Variants in NBAS observed in about 807,000 individuals in gnomAD.
NBAS encodes the protein NBAS subunit of NRZ tethering complex, also known as NAG/BC035112 fusion.
NBAS carries 219 observed loss-of-function variants against 302.5 expected under a neutral mutation model. The observed-to-expected ratio is 0.72, with a 90% CI of 0.65 to 0.81. The LOEUF (loss-of-function observed/expected upper bound fraction) is 0.81, where lower values mean the gene tolerates loss of function less well. Ranked by LOEUF, NBAS falls within the 30% of genes least tolerant of loss-of-function variation. The pLI is 0.00. For synonymous variants in NBAS, 1,118 were observed against 1,021.6 expected, an observed-to-expected ratio of 1.09 and a Z score of -1.80; for missense variants, 2,932 against 2,841.6, an observed-to-expected ratio of 1.03 and a Z score of -0.72.
the NBAS span, among the ~76,000 whole-genome samples, chr2:14,787,534 C>T: frequency 6.6e-6 from 1 of 152,166 alleles, no homozygotes; most frequent in Admixed American, 6.5e-5. Context: ...CATAATCTCT[C>T]AGCATTTGCT....
intron 25 of NBAS, among the ~76,000 whole-genome samples, chr2:15,414,720 G>A (rs769735233): frequency 2.6e-5 from 4 of 152,138 alleles, no homozygotes; most frequent in South Asian, 4.1e-4. Flanking sequence ...CGAGGCAGGC[G>A]GATCACCTGA....
the NBAS span, among the ~76,000 whole-genome samples, chr2:14,895,961 T>C: frequency 6.6e-6 from 1 of 151,442 alleles, no homozygotes; most frequent in Non-Finnish European, 1.5e-5. Flanking sequence ...ACAATATATC[T>C]ATGAAACAAA....
chr2:15,202,338 G>A (rs995153816), intron 48 of NBAS, among the ~76,000 whole-genome samples: 8 of 152,044 alleles, frequency 5.3e-5, no homozygotes, highest in Non-Finnish European at 1.0e-4. Context: ...CTGTCACTTC[G>A]ATATGTAATA....
rs987338399 is a variant in NBAS, at chr2:15,402,246, C to T, written c.2993G>A (p.Cys998Tyr). The change falls in exon 26 of 52, where the codon TGC (cysteine) becomes TAC (tyrosine). Residue 998 changes from cysteine to tyrosine, a missense_variant. Transcript: ENST00000281513. ...QDQLMAIALE[C>Y]IYTCERNDQL... ...ATCATTTCGTTCACAGGTATAGATGCACTCTAGTGCTATTGCCATCAGTTG... is the reference window on the plus strand; with the variant it reads ...ATCATTTCGTTCACAGGTATAGATGTACTCTAGTGCTATTGCCATCAGTTG... 6.2e-7 allele frequency: 1 copy of T among 1,613,406 alleles called. No homozygotes were observed. The highest frequency in any genetic ancestry group is 1.3e-5 in the African/African-American group (1 of 74,880).
the NBAS span, among the ~76,000 whole-genome samples, chr2:15,085,573 G>A: frequency 6.6e-6 from 1 of 152,164 alleles, no homozygotes; most frequent in Non-Finnish European, 1.5e-5. Flanking sequence ...GGCCATGGCT[G>A]CATGCTCCAC....
chr2:14,887,139 C>T, the NBAS span, among the ~76,000 whole-genome samples: 2 of 152,162 alleles, frequency 1.3e-5, no homozygotes, highest in South Asian at 2.1e-4. Context: ...CATGCTGGCT[C>T]ACGCCTGTAA....
intron 45 of NBAS, 29 bp downstream of exon 45, chr2:15,238,439 T>C (rs982972548): frequency 1.3e-6 from 2 of 1,591,588 alleles, no homozygotes; most frequent in African/African-American, 1.3e-5. Context: ...TGATACAGAG[T>C]GAGCATATAG....
At chr2:15,125,660 A>G in the NBAS span, among the ~76,000 whole-genome samples, 2 of 152,194 alleles carry the variant, frequency 1.3e-5, no homozygotes, top group African/African-American at 2.4e-5. Context: ...AGATTTAATG[A>G]CTACCCTGTT....
intron 23 of NBAS, among the ~76,000 whole-genome samples, chr2:15,420,088 C>G (rs1677139907): frequency 6.6e-6 from 1 of 152,154 alleles, no homozygotes; most frequent in African/African-American, 2.4e-5. Context: ...TGGGTCACAA[C>G]TGCAGACTCT....
At chr2:15,200,206 G>A (rs1405329423) in intron 48 of NBAS, among the ~76,000 whole-genome samples, 4 of 152,026 alleles carry the variant, frequency 2.6e-5, no homozygotes, top group Non-Finnish European at 5.9e-5. Flanking sequence ...CTGGATATTT[G>A]TTATGATTAC....
At chr2:14,997,506 T>C in the NBAS span, among the ~76,000 whole-genome samples, 7 of 151,430 alleles carry the variant, frequency 4.6e-5, no homozygotes, top group South Asian at 1.5e-3. Flanking sequence ...AACTGACAAA[T>C]AAAACTATAA....
At chr2:14,810,473 T>C in the NBAS span, among the ~76,000 whole-genome samples, 1 of 152,224 alleles carries the variant, frequency 6.6e-6, no homozygotes, top group Non-Finnish European at 1.5e-5. Flanking sequence ...CATGATTTGC[T>C]CTTCCTTGCC....
chr2:15,158,695 G>A, the NBAS span, among the ~76,000 whole-genome samples: 4 of 152,162 alleles, frequency 2.6e-5, no homozygotes, highest in African/African-American at 7.2e-5. Flanking sequence ...GGTGGGGCTC[G>A]ACTTTCCTCA....
At chr2:14,795,563 A>AAC in the NBAS span, among the ~76,000 whole-genome samples, 4,982 of 151,414 alleles carry the variant, frequency 0.033, 263 homozygotes, top group African/African-American at 0.12. Flanking sequence ...TCATTTTCTT[A>AAC]AGTTTCTTTC....
the NBAS span, among the ~76,000 whole-genome samples, chr2:15,059,649 T>C: frequency 6.6e-6 from 1 of 152,150 alleles, no homozygotes; most frequent in Non-Finnish European, 1.5e-5. Context: ...TGAACTTTCA[T>C]GTTTCATAGC....
At chr2:15,065,214 A>G in the NBAS span, among the ~76,000 whole-genome samples, 1 of 152,176 alleles carries the variant, frequency 6.6e-6, no homozygotes, top group African/African-American at 2.4e-5. Context: ...TATGTTAATG[A>G]TATCTCAATG....
At chr2:15,155,053 G>C in the NBAS span, among the ~76,000 whole-genome samples, 1 of 152,138 alleles carries the variant, frequency 6.6e-6, no homozygotes, top group South Asian at 2.1e-4. Flanking sequence ...GCTCTGTCAC[G>C]TAACTAGCTG....
chr2:15,016,682 A>C, the NBAS span, among the ~76,000 whole-genome samples: 1 of 152,170 alleles, frequency 6.6e-6, no homozygotes, highest in South Asian at 2.1e-4. Context: ...CCTAAGCAAA[A>C]AGAACAAAAC....
At chr2:14,891,135 T>C in the NBAS span, among the ~76,000 whole-genome samples, 1 of 152,178 alleles carries the variant, frequency 6.6e-6, no homozygotes, top group Non-Finnish European at 1.5e-5. Context: ...TTGTCAATTT[T>C]TCATGGTCAC....
Sources: allele counts gnomAD v4.1 joint callset (sites outside exome capture counted in the v4.1 genomes callset), GRCh38; gene constraint gnomAD v4.1.1; transcripts MANE v1.5; gene names NCBI Gene and HGNC (gene_info 2026-07-23, HGNC 2026-07-21).